The following ZNF331 variants were observed in gnomAD, a reference collection of about 807,000 sequenced individuals.
ZNF331 encodes C2H2-like zinc finger protein rearranged in thyroid adenomas.
ZNF331 carries 2 observed loss-of-function variants against 7.0 expected under a neutral mutation model. The ratio of observed to expected loss-of-function variants is 0.29; its 90% CI spans 0.12 to 0.90. The LOEUF (loss-of-function observed/expected upper bound fraction) is 0.90. Ranked by LOEUF, ZNF331 falls within the 40% of genes least tolerant of loss-of-function variation. ZNF331 has a pLI of 0.58. For missense variants in ZNF331, 432 were observed against 587.7 expected, an observed-to-expected ratio of 0.74 and a Z score of 2.74; for synonymous variants, 196 against 205.4, an observed-to-expected ratio of 0.95 and a Z score of 0.39.
upstream of ZNF331, among the ~76,000 whole-genome samples, chr19:53,519,813 G>A (rs569926095): frequency 5.3e-5 from 8 of 152,216 alleles, no homozygotes; most frequent in Non-Finnish European, 1.2e-4. Flanking sequence ...CTACACACAT[G>A]CCTGGAGCTC....
At chr19:53,537,839 G>T (rs984117427), upstream of ZNF331, 11 of 152,336 alleles carry the variant, frequency 7.2e-5, no homozygotes, top group African/African-American at 2.7e-4. Context: ...CCGCGTGTCA[G>T]CATCTGTGCA....
intron 2 of ZNF331, among the ~76,000 whole-genome samples, chr19:53,543,267 AT>A (rs1397088549): frequency 6.6e-6 from 1 of 152,064 alleles, no homozygotes; most frequent in Non-Finnish European, 1.5e-5. Context: ...TCTATTATGA[AT>A]TTTTTTATTT....
chr19:53,577,494 A>G lies in ZNF331; in HGVS notation c.934A>G (p.Asn312Asp). 6.2e-7 allele frequency: 1 copy of G among 1,612,344 alleles called. No individual in the cohort carries two copies. The highest frequency in any genetic ancestry group is 8.5e-7 in the Non-Finnish European group (1 of 1,178,854). Residue 312 changes from asparagine (N) to aspartate (D), a missense_variant, in exon 6 of 6, where the codon AAT becomes GAT. Physicochemically the swap from Asn to Asp is conservative, Grantham distance 23. Around this residue, in one of 3 missense-constraint regions of ZNF331, gnomAD observed 312 missense variants for 448.6 expected, o/e 0.70. Coordinates refer to ENST00000449416, the MANE Select transcript of ZNF331 (RefSeq NM_001079906.2). ...QECGKAFTRV[N>D]YLTQHQKIHT... ...ATGTGGGAAGGCCTTTACTCGAGTC[A>G]ATTACCTTACTCAGCATCAGAAGAT...
intron 2 of ZNF331, among the ~76,000 whole-genome samples, chr19:53,524,858 G>A (rs1352719557): frequency 2.0e-5 from 3 of 152,100 alleles, no homozygotes; most frequent in African/African-American, 7.2e-5. Context: ...GTCCTGAATG[G>A]TATTGCCTAG....
At chr19:53,574,020 G>T (rs1227265280) in intron 5 of ZNF331, among the ~76,000 whole-genome samples, 1 of 152,088 alleles carries the variant, frequency 6.6e-6, no homozygotes, top group African/African-American at 2.4e-5. Flanking sequence ...ACTGAGTGAG[G>T]CAGGAGAATT....
chr19:53,517,630 G>A (rs142087395), upstream of ZNF331, among the ~76,000 whole-genome samples: 1 of 152,072 alleles, frequency 6.6e-6, no homozygotes, highest in Non-Finnish European at 1.5e-5. Context: ...AGTCTGCTGA[G>A]ATTTGGTTTA....
rs1165418115 is a variant in ZNF331 at position 53,580,189 on chromosome 19, C to T, written c.*2237C>T. The T allele has an allele frequency of 5.1e-6, 1 of 195,284 alleles. No individual in the cohort carries two copies. The highest frequency in any genetic ancestry group is 2.3e-5 in the African/African-American group (1 of 43,246). The allele number at this position is 195,284 out of a possible 1,614,324, so 12.1% of individuals were successfully genotyped here. On this transcript the variant is annotated 3_prime_UTR_variant, in exon 6 of 6. Transcript: ENST00000449416. Reference sequence around the variant, plus strand: ...ATCCTTCCACATTGTATACATGTATCAGAACATCACATTGTACTCCATCAA... The same window carrying T: ...ATCCTTCCACATTGTATACATGTATTAGAACATCACATTGTACTCCATCAA...
At chr19:53,537,910 G>C (rs2087838795), upstream of ZNF331, among the ~76,000 whole-genome samples, 1 of 151,968 alleles carries the variant, frequency 6.6e-6, no homozygotes, top group South Asian at 2.1e-4. Flanking sequence ...CTGTGCGTGC[G>C]CACACGCCCG....
At chr19:53,572,195 C>T (rs758644835) in intron 5 of ZNF331, among the ~76,000 whole-genome samples, 2 of 152,070 alleles carry the variant, frequency 1.3e-5, no homozygotes, top group African/African-American at 2.4e-5. Flanking sequence ...CCAAAGTGGG[C>T]GTATTTCATT....
At chr19:53,564,326 C>A (rs1266937604) in intron 3 of ZNF331, among the ~76,000 whole-genome samples, 1 of 151,980 alleles carries the variant, frequency 6.6e-6, no homozygotes. Flanking sequence ...GTTGCCAAGA[C>A]TGGAGTACAG....
At chr19:53,506,411 C>CCTCTCTCTCTCTCT in the ZNF331 span, among the ~76,000 whole-genome samples, 4 of 74,406 alleles carry the variant, frequency 5.4e-5, no homozygotes, top group East Asian at 1.2e-3. Context: ...CTCTCTCTCT[C>CCTCTCTCTCTCTCT]CTCTCTCTCT....
At chr19:53,564,068 T>G (rs796557571) in intron 3 of ZNF331, among the ~76,000 whole-genome samples, 5,886 of 118,092 alleles carry the variant, frequency 0.05, 236 homozygotes, top group East Asian at 0.077. Flanking sequence ...GCACAGAGCC[T>G]GCATTCTTTT....
At chr19:53,515,600 C>A (rs1057387302), upstream of ZNF331, among the ~76,000 whole-genome samples, 34 of 152,222 alleles carry the variant, frequency 2.2e-4, no homozygotes, top group Non-Finnish European at 4.1e-4. Flanking sequence ...TGGGTTCAAG[C>A]AATTCTCCTG....
In ZNF331 at chr19:53,578,655, G is replaced by T. The variant is rs927090518; in HGVS notation, c.*703G>T. 4.9e-6 allele frequency: 1 copy of T among 205,092 alleles called. No homozygotes were observed. Among genetic ancestry groups the T allele is most frequent in the Admixed American group, 6.0e-5 (1 of 16,788 alleles). 12.7% of individuals were successfully genotyped at this position (205,092 alleles called of 1,614,324 possible). ...CTGTGGTTTCAGGTGTCCACTGCGG[G>T]TCTTCAAACGTACCCCCCTCAGGTG... On this transcript the variant is annotated 3_prime_UTR_variant, in exon 6 of 6. Transcript: ENST00000449416.
chr19:53,553,424 A>C lies in ZNF331; in HGVS notation c.-137-2421A>C, dbSNP rs73585695. On this transcript the variant is annotated intron_variant, in intron 2 of 5. Coordinates refer to ENST00000449416, the MANE Select transcript of ZNF331 (RefSeq NM_001079906.2). ...ATTGGTGTAACCAGGTGAAAGATAC[A>C]TAGGCTTTCTCAGTATTATGTGTAC... 4.5e-3 allele frequency among the ~76,000 whole-genome samples: 689 copies of C among 152,346 alleles called. 4 individuals carry two copies. Among genetic ancestry groups the C allele is most frequent in the African/African-American group, 0.015 (643 of 41,574 alleles).
intron 5 of ZNF331, among the ~76,000 whole-genome samples, chr19:53,574,234 A>T (rs2090598344): frequency 6.6e-6 from 1 of 152,130 alleles, no homozygotes; most frequent in Non-Finnish European, 1.5e-5. Flanking sequence ...TCTAAGCCAG[A>T]GGTACTGTCT....
chr19:53,505,388 A>G, the ZNF331 span, among the ~76,000 whole-genome samples: 1 of 152,102 alleles, frequency 6.6e-6, no homozygotes, highest in East Asian at 1.9e-4. Context: ...CCTGGGCTCC[A>G]GCCTCGTGCC....
chr19:53,553,755 C>A (rs1354035253), intron 2 of ZNF331, among the ~76,000 whole-genome samples: 3 of 152,198 alleles, frequency 2.0e-5, no homozygotes, highest in Non-Finnish European at 2.9e-5. Context: ...CCTGTGCTGG[C>A]GGCCTGCAGA....
intron 2 of ZNF331, among the ~76,000 whole-genome samples, chr19:53,550,482 A>G (rs979440925): frequency 6.0e-5 from 9 of 148,990 alleles, no homozygotes; most frequent in Admixed American, 4.0e-4. Context: ...TTATATAATG[A>G]CATTCTTTGC....
Sources: gnomAD v4.1 joint callset for allele counts (sites outside exome capture counted in the v4.1 genomes callset) on GRCh38, gnomAD v4.1.1 for gene constraint, gnomAD v4.1.1 regional missense constraint, MANE v1.5 for transcripts, NCBI Gene and HGNC (gene_info 2026-07-23, HGNC 2026-07-21) for gene names.